The following FHL5 variants were observed in gnomAD, a reference collection of about 807,000 sequenced individuals.
FHL5 encodes the protein four and a half LIM domains protein 5.
A neutral mutation model predicts 32.0 loss-of-function variants in FHL5; 33 were observed. The ratio of observed to expected loss-of-function variants is 1.03; its 90% CI spans 0.78 to 1.38. FHL5 has a LOEUF of 1.38. Ranked by LOEUF, FHL5 falls within the 40% of genes most tolerant of loss-of-function variation. The pLI is 0.00. For missense variants in FHL5, 336 were observed against 343.9 expected, an observed-to-expected ratio of 0.98 and a Z score of 0.18; for synonymous variants, 114 against 113.6, an observed-to-expected ratio of 1.00 and a Z score of -0.02.
chr6:96,595,589 A>G (rs1771019060), intron 1 of FHL5, among the ~76,000 whole-genome samples: 3 of 151,714 alleles, frequency 2.0e-5, no homozygotes, highest in East Asian at 1.9e-4. Context: ...CTTTTACTCT[A>G]TCTTCTACTT....
intron 1 of FHL5, among the ~76,000 whole-genome samples, chr6:96,602,500 G>A (rs930500749): frequency 8.0e-6 from 1 of 125,662 alleles, no homozygotes; most frequent in African/African-American, 3.0e-5. Context: ...AGGCTGGAGT[G>A]CAGTGGCACA....
intron 1 of FHL5, among the ~76,000 whole-genome samples, chr6:96,573,032 A>C (rs780311869): frequency 1.4e-5 from 2 of 142,662 alleles, no homozygotes; most frequent in Non-Finnish European, 3.0e-5. Flanking sequence ...TTTTAGAAAG[A>C]AGATTAACCG....
chr6:96,581,362 C>T (rs545870673), intron 1 of FHL5, among the ~76,000 whole-genome samples: 8 of 152,252 alleles, frequency 5.3e-5, no homozygotes, highest in African/African-American at 1.7e-4. Flanking sequence ...TGATACTAAA[C>T]ACATGAATGG....
chr6:96,595,397 T>C (rs1771015964), intron 1 of FHL5, among the ~76,000 whole-genome samples: 1 of 151,862 alleles, frequency 6.6e-6, no homozygotes, highest in African/African-American at 2.4e-5. Context: ...TCTTTGTCTC[T>C]GGAATATGAC....
intron 1 of FHL5, among the ~76,000 whole-genome samples, chr6:96,602,422 G>GTTTTT (rs1562062430): frequency 1.1e-4 from 3 of 26,602 alleles, no homozygotes; most frequent in Non-Finnish European, 1.6e-4. Context: ...TATATGCGTT[G>GTTTTT]TTTCTTTTTT....
chr6:96,562,729 A>G (rs1223356919), upstream of FHL5: 1 of 152,148 alleles, frequency 6.6e-6, no homozygotes, highest in African/African-American at 2.4e-5. Flanking sequence ...AGGTAAGAGC[A>G]TGGGACCTCA....
At chr6:96,597,415 C>T (rs1771059075) in intron 1 of FHL5, among the ~76,000 whole-genome samples, 1 of 152,042 alleles carries the variant, frequency 6.6e-6, no homozygotes, top group Admixed American at 6.6e-5. Flanking sequence ...GTTGATTAGG[C>T]CACATGTTGA....
chr6:96,603,795 G>T, intron 2 of FHL5, 23 bp downstream of exon 2: 20 of 1,592,282 alleles, frequency 1.3e-5, no homozygotes, highest in Non-Finnish European at 1.6e-5. Flanking sequence ...TCAATTTACA[G>T]AATTACTGCC....
At chr6:96,587,820 T>C (rs1315129173) in intron 1 of FHL5, among the ~76,000 whole-genome samples, 15 of 152,228 alleles carry the variant, frequency 9.9e-5, no homozygotes, top group Admixed American at 9.8e-4. Flanking sequence ...TTTATATAAA[T>C]GTCATTCTGG....
rs67338227 is a variant in FHL5 at position 96,594,271 on chromosome 6, A to T, written c.-12-9331A>T. ...TATATATATATATATATATATATAT[A>T]TATGTATGTATGTATTTACTTCTTG... is the stretch of plus-strand genomic sequence containing the variant. On this transcript the variant is annotated intron_variant, in intron 1 of 5. Coordinates refer to ENST00000450218, the MANE Select transcript of FHL5 (RefSeq NM_001322466.2). Among the ~76,000 whole-genome samples, 518 of 72,898 alleles carry T rather than the reference A, an allele frequency of 7.1e-3. 8 individuals are homozygous for T. The highest frequency in any genetic ancestry group is 0.015 in the African/African-American group (327 of 21,792). 47.8% of individuals were successfully genotyped at this position (72,898 alleles called of 152,430 possible).
At chr6:96,585,494 A>G (rs3798293) in intron 1 of FHL5, among the ~76,000 whole-genome samples, 27,545 of 152,052 alleles carry the variant, frequency 0.18, 2,739 homozygotes, top group Middle Eastern at 0.26. Flanking sequence ...ATGCAAAAGT[A>G]ATAATTATGG....
intron 1 of FHL5, among the ~76,000 whole-genome samples, chr6:96,580,965 T>A (rs1770684836): frequency 6.6e-6 from 1 of 152,176 alleles, no homozygotes; most frequent in Non-Finnish European, 1.5e-5. Context: ...CATGTACTAC[T>A]AGAAGAGAAA....
At chr6:96,572,140 C>A (rs939711464) in intron 1 of FHL5, among the ~76,000 whole-genome samples, 1 of 152,162 alleles carries the variant, frequency 6.6e-6, no homozygotes, top group Non-Finnish European at 1.5e-5. Flanking sequence ...CCCCAAGGGA[C>A]AATGTGCCAC....
At chr6:96,606,463 T>C (rs1716565266) in intron 4 of FHL5, among the ~76,000 whole-genome samples, 2 of 152,250 alleles carry the variant, frequency 1.3e-5, no homozygotes, top group South Asian at 4.2e-4. Flanking sequence ...GAGATTCTCA[T>C]GTCTCAGCCT....
chr6:96,583,600 C>T (rs1439096047), intron 1 of FHL5, among the ~76,000 whole-genome samples: 1 of 152,086 alleles, frequency 6.6e-6, no homozygotes, highest in East Asian at 1.9e-4. Context: ...TTAGTGGAAG[C>T]TCATTGGTGC....
At position 96,618,176 on chromosome 6, in the gene FHL5, T is replaced by C. The variant is rs1487293127; in HGVS notation, c.*2404T>C. 6.6e-6 allele frequency among the ~76,000 whole-genome samples: 1 copy of C among 152,218 alleles called. No homozygotes were observed. Among genetic ancestry groups the C allele is most frequent in the Non-Finnish European group, 1.5e-5 (1 of 68,036 alleles). On this transcript the variant is annotated 3_prime_UTR_variant, in exon 6 of 6. Transcript: ENST00000450218. ...AAAGATAAATGTAAAAATTATATAG[T>C]TGATTTATATGGTTTATGTAACAAA...
In FHL5 at chr6:96,610,512, T is replaced by G. The variant is rs1332125158; in HGVS notation, c.505-60T>G. 9 of 1,255,210 alleles carry G rather than the reference T, an allele frequency of 7.2e-6. No homozygotes were observed. The African/African-American group carries it at 1.2e-4, about 17-fold the overall frequency. 77.8% of individuals were successfully genotyped at this position (1,255,210 alleles called of 1,614,324 possible). A position where few individuals can be genotyped will look rare whatever the true frequency, so the allele number is the denominator to read the frequency against. ...AGATACTAGGATCTCAAAAGAATCATGAAATGATCTGAATTGTAATGGCTC... is the reference window on the plus strand; with the variant it reads ...AGATACTAGGATCTCAAAAGAATCAGGAAATGATCTGAATTGTAATGGCTC... On this transcript the variant is annotated intron_variant, in intron 4 of 5. Transcript: ENST00000450218.
rs1285301088 is a variant in FHL5, at chr6:96,617,013, C to T, written c.*1241C>T. Among the ~76,000 whole-genome samples the T allele has an allele frequency of 2.0e-5, 3 of 152,058 alleles. No individual in the cohort carries two copies. The highest frequency in any genetic ancestry group is 1.3e-4 in the Admixed American group (2 of 15,268). ...GAGGTGCACTCCTAACCCTAAGCAA[C>T]TGTCCTATAAGTCAGTCAGTGTTTA... On this transcript the variant is annotated 3_prime_UTR_variant, in exon 6 of 6. Transcript: ENST00000450218.
chr6:96,614,078 A>G (rs991212669), intron 5 of FHL5, among the ~76,000 whole-genome samples: 1 of 152,240 alleles, frequency 6.6e-6, no homozygotes, highest in Non-Finnish European at 1.5e-5. Flanking sequence ...AACAGTTTAC[A>G]TACATCTCAC....
Sources: allele counts gnomAD v4.1 joint callset (sites outside exome capture counted in the v4.1 genomes callset), GRCh38; gene constraint gnomAD v4.1.1; transcripts MANE v1.5; gene names NCBI Gene and HGNC (gene_info 2026-07-23, HGNC 2026-07-21).